Variants in LAMA4 observed in about 807,000 individuals in gnomAD.
The protein encoded by LAMA4 is laminin subunit alpha 4.
In LAMA4, 127 loss-of-function variants were observed where a neutral mutation model predicts 207.1. The observed-to-expected ratio is 0.61, with a 90% CI of 0.53 to 0.71. The LOEUF is 0.71. Among genes scored for constraint, LAMA4 ranks in the 30% least tolerant of loss-of-function variants. The probability of loss-of-function intolerance (pLI) is 0.00; values close to 1 mark genes in which losing one functional copy is unlikely to be tolerated. For missense variants in LAMA4, 2,093 were observed against 2,246.5 expected, an observed-to-expected ratio of 0.93 and a Z score of 1.38; for synonymous variants, 761 against 816.0, an observed-to-expected ratio of 0.93 and a Z score of 1.15.
At position 112,177,970 on chromosome 6, in the gene LAMA4, A is replaced by T. The variant is rs190538193; in HGVS notation, c.1189+151T>A. ...GAAATTCCAGATAAACAAACTTGAA[A>T]TGAAGACCTTATACAAGTTTAAACC... On this transcript the variant is annotated intron_variant, in intron 10 of 38. Transcript: ENST00000230538. The T allele has an allele frequency of 4.6e-6, 3 of 646,624 alleles. No individual in the cohort carries two copies. The East Asian group carries it at 8.3e-5, about 18-fold the overall frequency. The allele number at this position is 646,624 out of a possible 1,614,324, so 40.1% of individuals were successfully genotyped here.
intron 7 of LAMA4, 41 bp from the exon 8 acceptor site, chr6:112,187,642 A>G (rs369062677): frequency 6.2e-7 from 1 of 1,605,800 alleles, no homozygotes; most frequent in Non-Finnish European, 8.5e-7. Context: ...AGTCAAAAGC[A>G]TGCTAAAGGC....
At chr6:112,148,017 G>T (rs1165700110) in intron 18 of LAMA4, 140 bp downstream of exon 18, 3 of 746,314 alleles carry the variant, frequency 4.0e-6, no homozygotes, top group Non-Finnish European at 2.3e-6. Context: ...CAGTGCAAAA[G>T]CTTTTCTTTT....
At chr6:112,252,563 C>T (rs1787534605) in intron 2 of LAMA4, among the ~76,000 whole-genome samples, 1 of 152,072 alleles carries the variant, frequency 6.6e-6, no homozygotes, top group African/African-American at 2.4e-5. Context: ...ATGTCCTCTG[C>T]AGTATTTGGG....
chr6:112,178,059 C>G, intron 10 of LAMA4, 62 bp downstream of exon 10: 5 of 1,176,302 alleles, frequency 4.3e-6, no homozygotes, highest in Non-Finnish European at 5.1e-6. Flanking sequence ...ATTATGCCTA[C>G]TGATGTTAAT....
At chr6:112,129,170 ATGTG>A (rs782301781) in intron 30 of LAMA4, 95 bp from the exon 31 acceptor site, 4 of 979,436 alleles carry the variant, frequency 4.1e-6, no homozygotes, top group Admixed American at 2.2e-5. Flanking sequence ...GGCAATTAAA[ATGTG>A]TGTGTGTGTG....
At chr6:112,179,899 T>C (rs782459655) in intron 9 of LAMA4, 26 of 532,638 alleles carry the variant, frequency 4.9e-5, no homozygotes, top group African/African-American at 4.6e-4. Context: ...GTCTTCTGAG[T>C]CATTATACTC....
chr6:112,189,080 G>T (rs782260800), intron 7 of LAMA4, 30 bp downstream of exon 7: 11 of 1,450,698 alleles, frequency 7.6e-6, no homozygotes, highest in Non-Finnish European at 1.1e-5. Context: ...GAGAAAGTGG[G>T]GTTAGTCAAT....
intron 31 of LAMA4, among the ~76,000 whole-genome samples, chr6:112,125,988 T>C (rs1439764357): frequency 3.3e-5 from 5 of 152,202 alleles, no homozygotes; most frequent in African/African-American, 1.2e-4. Flanking sequence ...GATTAGCAAA[T>C]GTTGACATTC....
At chr6:112,211,274 T>C (rs1554356512) in intron 3 of LAMA4, among the ~76,000 whole-genome samples, 1 of 152,220 alleles carries the variant, frequency 6.6e-6, no homozygotes, top group African/African-American at 2.4e-5. Context: ...GGGTTGGGCC[T>C]GAGCCTCAGT....
At chr6:112,210,455 G>A (rs911710338) in intron 3 of LAMA4, among the ~76,000 whole-genome samples, 1 of 152,098 alleles carries the variant, frequency 6.6e-6, no homozygotes, top group African/African-American at 2.4e-5. Flanking sequence ...GATAAGTGTT[G>A]GGATTGCCAT....
intron 2 of LAMA4, among the ~76,000 whole-genome samples, chr6:112,249,994 C>T (rs1466970833): frequency 6.6e-6 from 1 of 152,142 alleles, no homozygotes; most frequent in Non-Finnish European, 1.5e-5. Flanking sequence ...TCTTCAATTG[C>T]TCACCCCTGA....
chr6:112,158,975 T>A, intron 13 of LAMA4, 95 bp from the exon 14 acceptor site: 1 of 872,082 alleles, frequency 1.1e-6, no homozygotes, highest in South Asian at 1.5e-5. Context: ...TTTCTTATTA[T>A]GAAGGTCAGT....
At chr6:112,131,430 T>G (rs1779026016) in intron 28 of LAMA4, among the ~76,000 whole-genome samples, 1 of 152,124 alleles carries the variant, frequency 6.6e-6, no homozygotes, top group South Asian at 2.1e-4. Context: ...ATAGATGATA[T>G]TTGGGTCTCC....
intron 10 of LAMA4, among the ~76,000 whole-genome samples, chr6:112,177,498 C>G (rs1554344201): frequency 6.6e-6 from 1 of 152,112 alleles, no homozygotes; most frequent in Non-Finnish European, 1.5e-5. Flanking sequence ...AAATTGAAGG[C>G]CAACTATTAG....
At chr6:112,120,164 A>C in intron 33 of LAMA4, 119 bp downstream of exon 33, 1 of 802,746 alleles carries the variant, frequency 1.2e-6, no homozygotes, top group Non-Finnish European at 2.0e-6. Flanking sequence ...TTGAATTCTG[A>C]GTGTGCAGCA....
At chr6:112,180,063 A>T in intron 9 of LAMA4, 1 of 373,264 alleles carries the variant, frequency 2.7e-6, no homozygotes, top group Admixed American at 3.8e-5. Flanking sequence ...AGCATTTAAA[A>T]TTTTAGAATT....
Position 112,117,971 on chromosome 6 carries a change from G to T in LAMA4, c.4822-73C>A. ...CACCAAGGGGAAGCAAAATGAGGGG[G>T]TTTGAGTCCTGAAGGAACCCACGTA... On this transcript the variant is annotated intron_variant, in intron 34 of 38. Transcript: ENST00000230538. The surrounding 1 kb of genome is among the most constrained non-coding windows in gnomAD (Gnocchi z 4.5). 1 of 1,318,366 alleles carries T rather than the reference G, an allele frequency of 7.6e-7. No individual in the cohort carries two copies. Among genetic ancestry groups the T allele is most frequent in the Non-Finnish European group, 1.1e-6 (1 of 915,790 alleles). 81.7% of individuals were successfully genotyped at this position (1,318,366 alleles called of 1,614,324 possible).
chr6:112,251,797 C>T (rs1482445302), intron 2 of LAMA4, among the ~76,000 whole-genome samples: 1 of 152,156 alleles, frequency 6.6e-6, no homozygotes, highest in Non-Finnish European at 1.5e-5. Context: ...TCAATCTCAC[C>T]CTTTCTACAC....
chr6:112,151,717 G>A (rs1299035968), intron 16 of LAMA4, among the ~76,000 whole-genome samples: 4 of 152,032 alleles, frequency 2.6e-5, no homozygotes, highest in Non-Finnish European at 5.9e-5. Context: ...GTAATGTAGG[G>A]TGTCCTTGTA....
Sources: gnomAD v4.1 joint callset for allele counts (sites outside exome capture counted in the v4.1 genomes callset) on GRCh38, gnomAD v4.1.1 for gene constraint, Gnocchi (gnomAD v3.1) non-coding constraint, MANE v1.5 for transcripts, NCBI Gene and HGNC (gene_info 2026-07-23, HGNC 2026-07-21) for gene names.